The following TEX38 variants were observed in gnomAD, a reference collection of about 807,000 sequenced individuals.
The protein encoded by TEX38 is testis expressed 38.
In TEX38, 5 loss-of-function variants were observed where a neutral mutation model predicts 2.7. The observed-to-expected ratio is 1.86, with a 90% confidence interval of 0.97 to 3.90. The LOEUF (loss-of-function observed/expected upper bound fraction) is 3.90, where lower values mean the gene tolerates loss of function less well. TEX38 is among the 30% of genes most tolerant of loss of function. The pLI, the probability that TEX38 is intolerant of heterozygous loss-of-function variation, is 0.00. For missense variants in TEX38, 218 were observed against 247.9 expected, an observed-to-expected ratio of 0.88 and a Z score of 0.81; for synonymous variants, 110 against 103.3, an observed-to-expected ratio of 1.06 and a Z score of -0.39.
chr1:46,672,465 G>A (rs954765924), intron 1 of TEX38, among the ~76,000 whole-genome samples: 10 of 152,126 alleles, frequency 6.6e-5, no homozygotes, highest in African/African-American at 2.4e-4. Flanking sequence ...GGCTGGACTT[G>A]AAGTCCTGAC....
upstream of TEX38, among the ~76,000 whole-genome samples, chr1:46,670,126 A>G (rs944589290): frequency 8.5e-5 from 13 of 152,188 alleles, no homozygotes; most frequent in African/African-American, 3.1e-4. Flanking sequence ...ACCCACCCCA[A>G]GTCCTGGGCA....
At position 46,673,592 on chromosome 1, in the gene TEX38, A is replaced by G. The variant is rs1676636034; in HGVS notation, c.*136A>G. The G allele has an allele frequency of 1.4e-6, 1 of 739,302 alleles. No homozygotes were observed. Among genetic ancestry groups the G allele is most frequent in the Non-Finnish European group, 2.0e-6 (1 of 499,296 alleles). 45.8% of individuals were successfully genotyped at this position (739,302 alleles called of 1,614,324 possible). On this transcript the variant is annotated 3_prime_UTR_variant, in exon 2 of 2. Transcript: ENST00000334122. ...TATGAAACATTAAAAGAAAAAAAAAAAAGTCCAAGGCTCCCTCGTTTCTCA... is the reference window on the plus strand; with the variant it reads ...TATGAAACATTAAAAGAAAAAAAAAGAAGTCCAAGGCTCCCTCGTTTCTCA...
upstream of TEX38, among the ~76,000 whole-genome samples, chr1:46,671,467 C>CTTGGTTAGATACTTT (rs1676581356): frequency 6.6e-6 from 1 of 152,202 alleles, no homozygotes; most frequent in Non-Finnish European, 1.5e-5. Context: ...TTCCTGCCAA[C>CTTGGTTAGATACTTT]TTGGTTAGAT....
At position 46,671,905 on chromosome 1, in the gene TEX38, G is replaced by A. The variant is rs1240640177; in HGVS notation, c.-30G>A. 15 of 1,551,198 alleles carry A rather than the reference G, an allele frequency of 9.7e-6. No homozygotes were observed. The East Asian group carries it at 3.4e-4, about 35-fold the overall frequency. Reference sequence around the variant, plus strand: ...GGTGGGTGAGTTCCCTCTCCCCAGAGCCATCGGCCAGGTACCAAAGCTCAG... The same window carrying A: ...GGTGGGTGAGTTCCCTCTCCCCAGAACCATCGGCCAGGTACCAAAGCTCAG... On this transcript the variant is annotated 5_prime_UTR_variant, in exon 1 of 2. Transcript: ENST00000334122.
At chr1:46,672,267 TGAA>T (rs906287470) in intron 1 of TEX38, among the ~76,000 whole-genome samples, 1 of 149,220 alleles carries the variant, frequency 6.7e-6, no homozygotes, top group African/African-American at 2.5e-5. Context: ...TTTTTTGAGA[TGAA>T]GTTTTGCTCT....
upstream of TEX38, among the ~76,000 whole-genome samples, chr1:46,671,028 T>C (rs1211989122): frequency 6.6e-6 from 1 of 152,058 alleles, no homozygotes; most frequent in Admixed American, 6.6e-5. Flanking sequence ...ATGGCCCTGA[T>C]GGTGGGATCA....
chr1:46,672,914 G>A lies in TEX38; in HGVS notation c.79G>A (p.Val27Met), dbSNP rs1258862594. The change falls in exon 2 of 2, where the codon GTG becomes ATG. Residue 27 changes from valine (V) to methionine (M), a missense_variant. By Grantham distance (21) the Val-to-Met change is conservative. Coordinates refer to ENST00000334122, the MANE Select transcript of TEX38 (RefSeq NM_001145474.4). ...LYFGILGLCS[V>M]ITGGCIIFLH... ...CTTTGGAATCCTGGGGCTGTGTTCT[G>A]TGATAACTGGAGGGTGCATTATCTT... The A allele has an allele frequency of 1.1e-5, 17 of 1,551,590 alleles. No individual in the cohort carries two copies.
At chr1:46,669,921 C>A (rs137916032), upstream of TEX38, among the ~76,000 whole-genome samples, 1 of 152,246 alleles carries the variant, frequency 6.6e-6, no homozygotes, top group African/African-American at 2.4e-5. Context: ...GATTTTAAAT[C>A]GAATGAGATC....
chr1:46,670,206 G>A (rs2148830806), upstream of TEX38, among the ~76,000 whole-genome samples: 1 of 152,246 alleles, frequency 6.6e-6, no homozygotes, highest in Admixed American at 6.5e-5. Flanking sequence ...GGACTAAAGT[G>A]ATAGTGATAA....
At chr1:46,672,756 A>G in intron 1 of TEX38, 117 bp from the exon 2 acceptor site, 1 of 869,968 alleles carries the variant, frequency 1.1e-6, no homozygotes. Flanking sequence ...CGGTGAGAGT[A>G]GTTAAGTGGA....
At chr1:46,670,861 G>C (rs1045036182), upstream of TEX38, among the ~76,000 whole-genome samples, 3 of 152,162 alleles carry the variant, frequency 2.0e-5, no homozygotes, top group African/African-American at 7.2e-5. Context: ...TGGGAAGGCT[G>C]ACTTAAGCTT....
chr1:46,673,592 A>AC lies in TEX38; in HGVS notation c.*136_*137insC. ...TATGAAACATTAAAAGAAAAAAAAA[A>AC]AAGTCCAAGGCTCCCTCGTTTCTCA... is the stretch of plus-strand genomic sequence containing the variant. On this transcript the variant is annotated 3_prime_UTR_variant, in exon 2 of 2. Transcript: ENST00000334122. 1 of 739,300 alleles carries AC rather than the reference A, an allele frequency of 1.4e-6. No homozygotes were observed. Among genetic ancestry groups the AC allele is most frequent in the Non-Finnish European group, 2.0e-6 (1 of 499,294 alleles). The allele number at this position is 739,300 out of a possible 1,614,324, so 45.8% of individuals were successfully genotyped here. A position where few individuals can be genotyped will look rare whatever the true frequency, so the allele number is the denominator to read the frequency against.
chr1:46,673,544 C>A lies in TEX38; in HGVS notation c.*88C>A. ...TCAGGAAGGTGGTATTGACAGAGGT[C>A]AGGACCCACCTGGATGTCATGCTAT... On this transcript the variant is annotated 3_prime_UTR_variant, in exon 2 of 2. Coordinates refer to ENST00000334122, the MANE Select transcript of TEX38 (RefSeq NM_001145474.4). The A allele has an allele frequency of 9.2e-7, 1 of 1,083,106 alleles. No homozygotes were observed. The highest frequency in any genetic ancestry group is 2.0e-5 in the South Asian group (1 of 50,410). 67.1% of individuals were successfully genotyped at this position (1,083,106 alleles called of 1,614,324 possible).
At chr1:46,672,809 ACAG>A (rs774325376) in intron 1 of TEX38, 61 bp from the exon 2 acceptor site, 6 of 1,414,428 alleles carry the variant, frequency 4.2e-6, no homozygotes, top group Non-Finnish European at 5.7e-6. Context: ...GGAATGAGAA[ACAG>A]CTCAGGCCCC....
At position 46,673,405 on chromosome 1, in the gene TEX38, G is replaced by T; in HGVS notation, c.570G>T (p.Leu190=). ...TTCTCTTCCATTCCCTCCTGAATCT[G>T]GCCCAGGAAGACCATAGCTTCAATG... is the stretch of plus-strand genomic sequence containing the variant. ...RNVLFHSLLN[L]AQEDHSFNAK... Residue 190 remains leucine, a synonymous_variant, in exon 2 of 2, where the codon CTG becomes CTT. Transcript: ENST00000334122. 1 of 1,551,860 alleles carries T rather than the reference G, an allele frequency of 6.4e-7. No individual in the cohort carries two copies. The highest frequency in any genetic ancestry group is 8.7e-7 in the Non-Finnish European group (1 of 1,147,032).
upstream of TEX38, chr1:46,669,449 C>T (rs1676551584): frequency 6.6e-6 from 3 of 455,970 alleles, no homozygotes; most frequent in South Asian, 4.6e-5. Flanking sequence ...ATGTGGCTGC[C>T]TCCTCATCAT....
chr1:46,673,406 GC>G lies in TEX38; in HGVS notation c.574del (p.Gln192ArgfsTer54). 4 of 1,551,906 alleles carry G rather than the reference GC, an allele frequency of 2.6e-6. No individual in the cohort carries two copies. In the East Asian group the frequency reaches 7.3e-5, roughly 28 times the overall value. On this transcript the variant is annotated frameshift_variant, in exon 2 of 2. Coordinates refer to ENST00000334122, the MANE Select transcript of TEX38 (RefSeq NM_001145474.4). LOFTEE classifies it high-confidence loss of function. Reference protein sequence around the residue: ...NVLFHSLLNLAQEDHSFNAKP... With the variant: ...NVLFHSLLNLXQEDHSFNAKP... ...TCTCTTCCATTCCCTCCTGAATCTG[GC>G]CCAGGAAGACCATAGCTTCAATGCC...
chr1:46,670,565 T>C (rs1360313764), upstream of TEX38, among the ~76,000 whole-genome samples: 2 of 152,132 alleles, frequency 1.3e-5, no homozygotes, highest in Non-Finnish European at 2.9e-5. Flanking sequence ...ATAGTGATAT[T>C]TAAAGCCAGG....
chr1:46,670,803 A>G (rs1676571240), upstream of TEX38, among the ~76,000 whole-genome samples: 1 of 152,204 alleles, frequency 6.6e-6, no homozygotes, highest in Non-Finnish European at 1.5e-5. Flanking sequence ...GAGGGGAGTC[A>G]TTAAAATGGT....
Sources: allele counts gnomAD v4.1 joint callset (sites outside exome capture counted in the v4.1 genomes callset), GRCh38; gene constraint gnomAD v4.1.1; transcripts MANE v1.5; gene names NCBI Gene and HGNC (gene_info 2026-07-23, HGNC 2026-07-21).